Variants in CHEK1 observed in about 807,000 individuals in gnomAD.
CHEK1 encodes the protein serine/threonine-protein kinase Chk1.
Under a neutral mutation model 60.2 loss-of-function variants are expected in CHEK1, and 32 were observed. That is an observed-to-expected ratio of 0.53 (90% CI 0.40 to 0.71). CHEK1 has a LOEUF of 0.71. CHEK1 is among the 30% of genes least tolerant of loss of function. The probability of loss-of-function intolerance (pLI) is 0.00; values close to 1 mark genes in which losing one functional copy is unlikely to be tolerated. For missense variants in CHEK1, 399 were observed against 564.6 expected (o/e 0.71, Z 2.97); for synonymous variants, 179 against 187.2 (o/e 0.96, Z 0.36).
chr11:125,660,894 G>A (rs1271130399), downstream of CHEK1, among the ~76,000 whole-genome samples: 1 of 152,098 alleles, frequency 6.6e-6, no homozygotes, highest in Non-Finnish European at 1.5e-5. Context: ...TCCTGCCTCA[G>A]CCTCCCGAGT....
chr11:125,678,203 AG>A (rs1309910487), downstream of CHEK1: 4 of 1,614,084 alleles, frequency 2.5e-6, no homozygotes, highest in African/African-American at 2.7e-5. Context: ...CAGCATCAGA[AG>A]GGTTTTCAAG....
intron 13 of CHEK1, among the ~76,000 whole-genome samples, chr11:125,667,082 G>C (rs1942113278): frequency 6.6e-6 from 1 of 151,626 alleles, no homozygotes; most frequent in African/African-American, 2.4e-5. Flanking sequence ...TGAGGCTTGG[G>C]GTCCCAGTGA....
chr11:125,629,355 C>T (rs762241266), intron 4 of CHEK1, 36 bp from the exon 5 acceptor site: 3 of 1,611,092 alleles, frequency 1.9e-6, no homozygotes, highest in Non-Finnish European at 1.7e-6. Flanking sequence ...ATTACATTAC[C>T]AAATTCTAGT....
chr11:125,674,839 T>C (rs1424734725), intron 13 of CHEK1, among the ~76,000 whole-genome samples: 1 of 152,244 alleles, frequency 6.6e-6, no homozygotes, highest in African/African-American at 2.4e-5. Context: ...TCTTTTTAAC[T>C]GACACTGAAG....
At chr11:125,660,470 C>T (rs898395162), downstream of CHEK1, among the ~76,000 whole-genome samples, 2 of 152,102 alleles carry the variant, frequency 1.3e-5, no homozygotes, top group Non-Finnish European at 1.5e-5. Flanking sequence ...AAGCGATCTT[C>T]CTGCCTCAGT....
chr11:125,636,027 A>C (rs531716579), intron 7 of CHEK1: 1 of 152,298 alleles, frequency 6.6e-6, no homozygotes, highest in Admixed American at 6.5e-5. Context: ...CACTGTAAGG[A>C]ATTGTAACAT....
At position 125,655,541 on chromosome 11, in the gene CHEK1, G is replaced by T. The variant is rs1941880556; in HGVS notation, c.*221G>T. The T allele has an allele frequency of 1.1e-5, 4 of 366,508 alleles. No individual in the cohort carries two copies. The Middle Eastern group carries it at 2.0e-3, about 179-fold the overall frequency. The allele number at this position is 366,508 out of a possible 1,614,324, so 22.7% of individuals were successfully genotyped here. A position where few individuals can be genotyped will look rare whatever the true frequency, so the allele number is the denominator to read the frequency against. On this transcript the variant is annotated 3_prime_UTR_variant, in exon 13 of 13. Transcript: ENST00000438015. ...CAAAACTTTGGGGAAAGGATGAATAGAATTCATTTGATTATTTCTTCATGT... is the reference window on the plus strand; with the variant it reads ...CAAAACTTTGGGGAAAGGATGAATATAATTCATTTGATTATTTCTTCATGT...
At chr11:125,679,461 G>T (rs373064053), downstream of CHEK1, among the ~76,000 whole-genome samples, 4 of 151,798 alleles carry the variant, frequency 2.6e-5, no homozygotes, top group Non-Finnish European at 4.4e-5. Flanking sequence ...CAAGTGATCC[G>T]CCCGCCTCAG....
chr11:125,647,240 G>T (rs911744761), intron 11 of CHEK1, among the ~76,000 whole-genome samples: 1 of 152,034 alleles, frequency 6.6e-6, no homozygotes, highest in Non-Finnish European at 1.5e-5. Flanking sequence ...ACCATTTGTT[G>T]AAGATATGTT....
Position 125,625,999 on chromosome 11 carries a change from C to A in CHEK1, c.-34C>A, listed in dbSNP as rs780556568. The A allele has an allele frequency of 7.8e-4, 546 of 701,670 alleles. 2 individuals carry two copies. Among genetic ancestry groups the A allele is most frequent in the Middle Eastern group, 2.1e-3 (9 of 4,390 alleles). The allele number at this position is 701,670 out of a possible 1,614,324, so 43.5% of individuals were successfully genotyped here. On this transcript the variant is annotated 5_prime_UTR_variant, in exon 1 of 13. Coordinates refer to ENST00000438015, the MANE Select transcript of CHEK1 (RefSeq NM_001114122.3). ...GCATTTGGATTCCTGCAGTGGTGGG[C>A]AAAGGACAGTCCGGTGAGGAAGGGC...
chr11:125,636,113 A>G (rs529091208), intron 7 of CHEK1: 1 of 152,298 alleles, frequency 6.6e-6, no homozygotes, highest in African/African-American at 2.4e-5. Context: ...ACTGTCTGTT[A>G]TACGTGTGGT....
intron 8 of CHEK1, among the ~76,000 whole-genome samples, chr11:125,641,148 C>G (rs188389111): frequency 2.0e-5 from 3 of 152,166 alleles, no homozygotes; most frequent in Non-Finnish European, 2.9e-5. Context: ...TTGAACATAT[C>G]CCTCTGTGGA....
chr11:125,678,089 T>G (rs1324134240), downstream of CHEK1: 2 of 1,614,186 alleles, frequency 1.2e-6, no homozygotes, highest in Non-Finnish European at 8.5e-7. Flanking sequence ...TCTCAGCATG[T>G]TCTCCAGAAG....
intron 11 of CHEK1, among the ~76,000 whole-genome samples, chr11:125,652,796 A>G (rs1307572366): frequency 6.6e-6 from 1 of 152,216 alleles, no homozygotes; most frequent in Admixed American, 6.5e-5. Context: ...GCATATTCAT[A>G]ATTTCAAACA....
At chr11:125,642,090 AG>A (rs1941332372) in intron 8 of CHEK1, among the ~76,000 whole-genome samples, 1 of 152,136 alleles carries the variant, frequency 6.6e-6, no homozygotes, top group African/African-American at 2.4e-5. Context: ...CTGTTTTTGT[AG>A]TGACTGTTCC....
At chr11:125,674,954 AC>A in intron 13 of CHEK1, among the ~76,000 whole-genome samples, 1 of 152,250 alleles carries the variant, frequency 6.6e-6, no homozygotes, top group South Asian at 2.1e-4. Flanking sequence ...TACATCCTGC[AC>A]TTTTCTGACT....
intron 11 of CHEK1, among the ~76,000 whole-genome samples, chr11:125,644,916 G>A (rs1250238464): frequency 1.3e-5 from 2 of 152,090 alleles, no homozygotes; most frequent in South Asian, 2.1e-4. Flanking sequence ...GCTGAGGCAC[G>A]AGAATTGCTT....
chr11:125,675,316 T>C (rs1216685438), intron 13 of CHEK1, among the ~76,000 whole-genome samples: 2 of 152,242 alleles, frequency 1.3e-5, no homozygotes, highest in African/African-American at 4.8e-5. Flanking sequence ...TGTGCCTTTC[T>C]TAAGACACAA....
intron 7 of CHEK1, among the ~76,000 whole-genome samples, chr11:125,637,169 T>G (rs1364525221): frequency 2.0e-5 from 3 of 152,196 alleles, no homozygotes. Flanking sequence ...TTTCTGTATC[T>G]TTTTGTTAAT....
Sources: gnomAD v4.1 joint callset for allele counts (sites outside exome capture counted in the v4.1 genomes callset) on GRCh38, gnomAD v4.1.1 for gene constraint, MANE v1.5 for transcripts, NCBI Gene and HGNC (gene_info 2026-07-23, HGNC 2026-07-21) for gene names.